Variants in POPDC3 observed in about 807,000 individuals in gnomAD.
POPDC3 encodes the protein popeye domain cAMP effector 3.
Under a neutral mutation model 28.2 loss-of-function variants are expected in POPDC3, and 20 were observed. The observed-to-expected ratio is 0.71, with a 90% CI of 0.50 to 1.03. POPDC3 has a LOEUF of 1.03. Among genes scored for constraint, POPDC3 ranks in the 50% least tolerant of loss-of-function variants. The probability of loss-of-function intolerance (pLI) is 0.00; values close to 1 mark genes in which losing one functional copy is unlikely to be tolerated. For synonymous variants in POPDC3, 118 were observed against 124.1 expected (o/e 0.95, Z 0.33); for missense variants, 316 against 345.9 (o/e 0.91, Z 0.69).
In POPDC3 at chr6:105,172,411, A is replaced by C. The variant is rs59077799; in HGVS notation, c.-252+7422T>G. Among the ~76,000 whole-genome samples, 159 of 151,340 alleles carry C rather than the reference A, an allele frequency of 1.1e-3. 4 individuals carry two copies. In the East Asian group the frequency reaches 0.028, roughly 26 times the overall value. ...AGGTCCAGTGGAGAGGATGTGAAGA[A>C]ATAGGAACACTTTTACACTGTTGGT... On this transcript the variant is annotated intron_variant, in intron 1 of 3. Coordinates refer to ENST00000254765, the MANE Select transcript of POPDC3 (RefSeq NM_022361.5).
chr6:105,159,782 TG>T lies in POPDC3; in HGVS notation c.522del (p.Tyr174Ter). 6.2e-7 allele frequency: 1 copy of T among 1,613,022 alleles called. No individual in the cohort carries two copies. Among genetic ancestry groups the T allele is most frequent in the Non-Finnish European group, 8.5e-7 (1 of 1,179,638 alleles). The part of the protein sequence containing the change: ...RVTVDGEFLH[Y>X]IFPLQFLDSP... ...GAATCCAGGAACTGAAGGGGGAAAATGTAATGCAGAAATTCGCCATCAACTG... is the reference window on the plus strand; with the variant it reads ...GAATCCAGGAACTGAAGGGGGAAAATTAATGCAGAAATTCGCCATCAACTG... On this transcript the variant is annotated frameshift_variant, in exon 3 of 4. Coordinates refer to ENST00000254765, the MANE Select transcript of POPDC3 (RefSeq NM_022361.5). LOFTEE classifies it high-confidence loss of function.
chr6:105,165,354 A>G (rs1774434820), intron 1 of POPDC3, among the ~76,000 whole-genome samples: 1 of 152,222 alleles, frequency 6.6e-6, no homozygotes, highest in South Asian at 2.1e-4. Flanking sequence ...AGAGCCGCTC[A>G]TGAATAATTT....
chr6:105,162,417 T>C (rs530009011), intron 1 of POPDC3, among the ~76,000 whole-genome samples: 1 of 152,274 alleles, frequency 6.6e-6, no homozygotes, highest in South Asian at 2.1e-4. Context: ...TCAGTGTACC[T>C]CACAATCACT....
rs201181315 is a variant in POPDC3, at chr6:105,161,828, C to G, written c.82G>C (p.Ala28Pro). 31 of 1,614,068 alleles carry G rather than the reference C, an allele frequency of 1.9e-5. No homozygotes were observed. The highest frequency in any genetic ancestry group is 2.5e-5 in the Non-Finnish European group (29 of 1,180,048). ...CTTWKQEAEG[A>P]IYHLASILFV... ...AAAATACTGGCAAGATGATAAATGG[C>G]TCCTTCGGCCTCTTGCTTCCAGGTT... The change falls in exon 2 of 4, where the codon GCC becomes CCC. Residue 28 changes from alanine (A) to proline (P), a missense_variant. Coordinates refer to ENST00000254765, the MANE Select transcript of POPDC3 (RefSeq NM_022361.5).
rs751524942 is a variant in POPDC3, at chr6:105,158,439, T to C, written c.*31A>G. On this transcript the variant is annotated 3_prime_UTR_variant, in exon 4 of 4. Transcript: ENST00000254765. ...TGGGGAATGATGAAGAGAGAGTCTT[T>C]TTTTATACTTATAAATTTCAGACTT... 1 of 1,550,846 alleles carries C rather than the reference T, an allele frequency of 6.4e-7. No individual in the cohort carries two copies. The highest frequency in any genetic ancestry group is 8.7e-7 in the Non-Finnish European group (1 of 1,145,916).
chr6:105,164,853 G>A (rs1053827247), intron 1 of POPDC3, among the ~76,000 whole-genome samples: 1 of 152,148 alleles, frequency 6.6e-6, no homozygotes, highest in Non-Finnish European at 1.5e-5. Flanking sequence ...AGCTCATCTG[G>A]GTTTTTTTCT....
chr6:105,172,939 T>C (rs1774609506), intron 1 of POPDC3, among the ~76,000 whole-genome samples: 1 of 150,446 alleles, frequency 6.6e-6, no homozygotes, highest in Admixed American at 6.6e-5. Flanking sequence ...TAGTGCTAAA[T>C]GACGAGTCAA....
Position 105,161,643 on chromosome 6 carries a change from G to A in POPDC3, c.267C>T (p.Phe89=). 1 of 1,614,200 alleles carries A rather than the reference G, an allele frequency of 6.2e-7. No individual in the cohort carries two copies. Among genetic ancestry groups the A allele is most frequent in the Non-Finnish European group, 8.5e-7 (1 of 1,180,034 alleles). ...GATATGCAATATGAACAAATTGCAT[G>A]AAGCAGATGACAAACAGTACAAAAT... ...SWNFVLFVIC[F]MQFVHIAYQV... The change falls in exon 2 of 4, where the codon TTC becomes TTT. Residue 89 remains phenylalanine, a synonymous_variant. Transcript: ENST00000254765.
rs190932749 is a variant in POPDC3 at position 105,173,607 on chromosome 6, G to A, written c.-252+6226C>T. 3.5e-4 allele frequency among the ~76,000 whole-genome samples: 54 copies of A among 152,276 alleles called. No individual in the cohort carries two copies. The East Asian group carries it at 9.6e-3, about 27-fold the overall frequency. ...TTTTCAAGCAAGAAAACCTCTTTAA[G>A]AAAGACTTGGCCGAGTTAGAATCCA... On this transcript the variant is annotated intron_variant, in intron 1 of 3. Transcript: ENST00000254765.
rs762277631 is a variant in POPDC3, at chr6:105,161,406, A to G, written c.485+19T>C. The stretch of plus-strand genomic sequence containing the variant: ...AACTAATACTTGAGGAAAGACATGC[A>G]AGCACCAAAGGTACAAACCTTCCTG... On this transcript the variant is annotated intron_variant, in intron 2 of 3. Coordinates refer to ENST00000254765, the MANE Select transcript of POPDC3 (RefSeq NM_022361.5). The G allele has an allele frequency of 1.9e-6, 3 of 1,598,124 alleles. No individual in the cohort carries two copies. The highest frequency in any genetic ancestry group is 2.6e-6 in the Non-Finnish European group (3 of 1,172,794).
intron 1 of POPDC3, among the ~76,000 whole-genome samples, chr6:105,164,884 G>A (rs1429426127): frequency 3.3e-5 from 5 of 152,168 alleles, no homozygotes; most frequent in African/African-American, 7.2e-5. Flanking sequence ...TTAAGATTAC[G>A]AGTTATAAAG....
rs1379914135 is a variant in POPDC3 at position 105,158,631 on chromosome 6, T to C, written c.715A>G (p.Ile239Val). The C allele has an allele frequency of 6.2e-7, 1 of 1,614,182 alleles. No individual in the cohort carries two copies. The highest frequency in any genetic ancestry group is 8.5e-7 in the Non-Finnish European group (1 of 1,180,026). ...RLFSVLIGSD[I>V]ADKLYALNDR... is the part of the protein sequence containing the mutation. ...TTCAAGGCATAGAGTTTATCTGCAA[T>C]GTCACTGCCAATTAGCACTGAAAAA... Residue 239 changes from isoleucine to valine, a missense_variant, in exon 4 of 4, where the codon ATT (isoleucine) becomes GTT (valine). Transcript: ENST00000254765.
intron 1 of POPDC3, chr6:105,168,934 C>G (rs1774517557): frequency 6.6e-6 from 1 of 152,188 alleles, no homozygotes; most frequent in African/African-American, 2.4e-5. Flanking sequence ...TGTGAACCAT[C>G]TGAGAAGCTT....
At position 105,161,515 on chromosome 6, in the gene POPDC3, C is replaced by T. The variant is rs41285460; in HGVS notation, c.395G>A (p.Ser132Asn). Residue 132 changes from serine (S) to asparagine (N), a missense_variant, in exon 2 of 4, where the codon AGC becomes AAC. By Grantham distance (46) the Ser-to-Asn change is conservative. Coordinates refer to ENST00000254765, the MANE Select transcript of POPDC3 (RefSeq NM_022361.5). ...SLPVFRTIAL[S>N]SEVVTLEKEH... ...CTTTTCCAAAGTAACCACTTCAGAG[C>T]TCAAAGCAATCGTTCTGAAGACAGG... 5.5e-4 allele frequency: 886 copies of T among 1,614,138 alleles called. 11 individuals are homozygous for T. In the African/African-American group the frequency reaches 9.8e-3, roughly 18 times the overall value.
At chr6:105,173,984 A>C (rs905039031) in intron 1 of POPDC3, among the ~76,000 whole-genome samples, 5 of 152,220 alleles carry the variant, frequency 3.3e-5, no homozygotes, top group Admixed American at 2.0e-4. Context: ...GAATTACTAC[A>C]CTTCAGGAAT....
intron 3 of POPDC3, chr6:105,159,046 A>T (rs2114522576): frequency 4.0e-6 from 1 of 251,722 alleles, no homozygotes; most frequent in Non-Finnish European, 7.5e-6. Flanking sequence ...AAAAAAAAAA[A>T]AAGTTGGCTG....
intron 1 of POPDC3, among the ~76,000 whole-genome samples, chr6:105,168,004 A>G (rs1343619638): frequency 1.3e-5 from 2 of 152,248 alleles, no homozygotes; most frequent in African/African-American, 4.8e-5. Flanking sequence ...TTGCATATGT[A>G]TAATGCATAA....
chr6:105,159,834 GAAC>G lies in POPDC3; in HGVS notation c.486-18_486-16del, dbSNP rs990412923. Reference sequence around the variant, plus strand: ...TCACTCTGATCCTATCAAAACACAAGAACAACATTTATAAGGGAAGGAGAAAGA... The same window carrying G: ...TCACTCTGATCCTATCAAAACACAAGAACATTTATAAGGGAAGGAGAAAGA... On this transcript the variant is annotated splice_polypyrimidine_tract_variant and intron_variant, in intron 2 of 3. Transcript: ENST00000254765. The G allele has an allele frequency of 6.6e-7, 1 of 1,518,442 alleles. No homozygotes were observed. The highest frequency in any genetic ancestry group is 9.1e-7 in the Non-Finnish European group (1 of 1,103,894). The allele number at this position is 1,518,442 out of a possible 1,614,324, so 94.1% of individuals were successfully genotyped here.
intron 1 of POPDC3, chr6:105,179,104 T>C: frequency 1.0e-6 from 1 of 985,414 alleles, no homozygotes; most frequent in Admixed American, 6.1e-5. Flanking sequence ...TCTTACTGTA[T>C]TTTGGTTGTG....
Sources: allele counts gnomAD v4.1 joint callset (sites outside exome capture counted in the v4.1 genomes callset), GRCh38; gene constraint gnomAD v4.1.1; transcripts MANE v1.5; gene names NCBI Gene and HGNC (gene_info 2026-07-23, HGNC 2026-07-21).